Variants in CNKSR3 observed in about 807,000 individuals in gnomAD.
CNKSR3 encodes CNKSR family member 3, also known as connector enhancer of kinase suppressor of ras 3.
In CNKSR3, 36 loss-of-function variants were observed where a neutral mutation model predicts 67.7. That is an observed-to-expected ratio of 0.53 (90% CI 0.41 to 0.70). The LOEUF (loss-of-function observed/expected upper bound fraction) is 0.70. Ranked by LOEUF, CNKSR3 falls within the 30% of genes least tolerant of loss-of-function variation. CNKSR3 has a pLI of 0.00. For missense variants in CNKSR3, 630 were observed against 695.2 expected (o/e 0.91, Z 1.05); for synonymous variants, 281 against 271.4 (o/e 1.04, Z -0.35).
chr6:154,483,424 C>T (rs928641390), intron 1 of CNKSR3, among the ~76,000 whole-genome samples: 8 of 152,158 alleles, frequency 5.3e-5, no homozygotes, highest in African/African-American at 1.4e-4. Flanking sequence ...CAACCAACTT[C>T]ACTGCCCAGC....
intron 10 of CNKSR3, among the ~76,000 whole-genome samples, chr6:154,412,541 G>A (rs1008772978): frequency 4.6e-5 from 7 of 152,132 alleles, no homozygotes; most frequent in African/African-American, 1.4e-4. Flanking sequence ...GGAATGTCAT[G>A]CTCTCTATAT....
chr6:154,491,009 G>A (rs934678122), intron 1 of CNKSR3, among the ~76,000 whole-genome samples: 4 of 152,012 alleles, frequency 2.6e-5, no homozygotes, highest in Admixed American at 6.6e-5. Flanking sequence ...CACCATGCCC[G>A]GCTAATTTTG....
chr6:154,475,101 T>C (rs910872787), intron 1 of CNKSR3, among the ~76,000 whole-genome samples: 9 of 152,206 alleles, frequency 5.9e-5, no homozygotes, highest in African/African-American at 1.9e-4. Context: ...ACGAGGAAGC[T>C]GATGGAGAGG....
intron 1 of CNKSR3, among the ~76,000 whole-genome samples, chr6:154,462,192 A>G (rs149496019): frequency 6.6e-6 from 1 of 152,252 alleles, no homozygotes; most frequent in East Asian, 1.9e-4. Flanking sequence ...AGAATTTTTA[A>G]CACCCCCTCA....
rs1784710114 is a variant in CNKSR3 at position 154,401,010 on chromosome 6, G to A, written c.*5344C>T. ...AACTGGGGTTGAGGGACCCTAACTA[G>A]GGGTTAATACATCATGCAAAATTTT... On this transcript the variant is annotated 3_prime_UTR_variant, in exon 13 of 13. Coordinates refer to ENST00000607772, the MANE Select transcript of CNKSR3 (RefSeq NM_173515.4). 6.6e-6 allele frequency: 1 copy of A among 152,162 alleles called. No individual in the cohort carries two copies. The allele number at this position is 152,162 out of a possible 1,614,324, so 9.4% of individuals were successfully genotyped here. A position where few individuals can be genotyped will look rare whatever the true frequency, so the allele number is the denominator to read the frequency against.
Position 154,402,542 on chromosome 6 carries a change from T to C in CNKSR3, c.*3812A>G, listed in dbSNP as rs893196228. On this transcript the variant is annotated 3_prime_UTR_variant, in exon 13 of 13. Transcript: ENST00000607772. ...CATTTTAATCCCAGCTCTGCCATTA[T>C]TAGCACATAACCAGGATGACTAGCA... 1 of 152,190 alleles carries C rather than the reference T, an allele frequency of 6.6e-6. No individual in the cohort carries two copies. Among genetic ancestry groups the C allele is most frequent in the Admixed American group, 6.5e-5 (1 of 15,274 alleles). The allele number at this position is 152,190 out of a possible 1,614,324, so 9.4% of individuals were successfully genotyped here.
At chr6:154,501,412 C>T (rs559098001) in intron 1 of CNKSR3, among the ~76,000 whole-genome samples, 36 of 152,268 alleles carry the variant, frequency 2.4e-4, no homozygotes, top group Middle Eastern at 3.4e-3. Flanking sequence ...TCCCTGACCA[C>T]GACTTGTAAG....
intron 1 of CNKSR3, among the ~76,000 whole-genome samples, chr6:154,462,613 C>T (rs1448554486): frequency 6.6e-6 from 1 of 152,166 alleles, no homozygotes; most frequent in East Asian, 1.9e-4. Flanking sequence ...GCCACATTCT[C>T]CCCTAACCAC....
chr6:154,392,892 C>T lies in CNKSR3; in HGVS notation c.*13462G>A, dbSNP rs1332857094. 1 of 152,230 alleles carries T rather than the reference C, an allele frequency of 6.6e-6. No individual in the cohort carries two copies. Among genetic ancestry groups the T allele is most frequent in the Admixed American group, 6.6e-5 (1 of 15,262 alleles). 9.4% of individuals were successfully genotyped at this position (152,230 alleles called of 1,614,324 possible). ...CACTTTGAAATGTTAGCATTGTCCT[C>T]TGAGGTAGTTAGTGGTTTGTTTGTT... On this transcript the variant is annotated 3_prime_UTR_variant, in exon 13 of 13. Coordinates refer to ENST00000607772, the MANE Select transcript of CNKSR3 (RefSeq NM_173515.4).
chr6:154,468,023 G>A (rs1450753729), intron 1 of CNKSR3, among the ~76,000 whole-genome samples: 1 of 148,116 alleles, frequency 6.8e-6, no homozygotes, highest in African/African-American at 2.5e-5. Context: ...GCCTCCCAAA[G>A]TGCTGGGATT....
rs74920838 is a variant in CNKSR3 at position 154,406,130 on chromosome 6, A to G, written c.*224T>C. On this transcript the variant is annotated 3_prime_UTR_variant, in exon 13 of 13. Transcript: ENST00000607772. Reference sequence around the variant, plus strand: ...GAAGCAAGACAAACAGGCTCTACCCATTTCCCTCCTTTTGTCTCCACAAGC... The same window carrying G: ...GAAGCAAGACAAACAGGCTCTACCCGTTTCCCTCCTTTTGTCTCCACAAGC... 5.2e-3 allele frequency: 2,890 copies of G among 551,538 alleles called. 10 individuals are homozygous for G. Among genetic ancestry groups the G allele is most frequent in the Admixed American group, 8.6e-3 (266 of 31,058 alleles). 34.2% of individuals were successfully genotyped at this position (551,538 alleles called of 1,614,324 possible). A position where few individuals can be genotyped will look rare whatever the true frequency, so the allele number is the denominator to read the frequency against.
intron 1 of CNKSR3, among the ~76,000 whole-genome samples, chr6:154,473,378 G>A (rs148826979): frequency 6.6e-6 from 1 of 152,318 alleles, no homozygotes; most frequent in Non-Finnish European, 1.5e-5. Flanking sequence ...CAAGCTCCAG[G>A]AGGTGGGCAC....
At chr6:154,457,199 G>C (rs998103493) in intron 1 of CNKSR3, among the ~76,000 whole-genome samples, 1 of 152,114 alleles carries the variant, frequency 6.6e-6, no homozygotes, top group Admixed American at 6.5e-5. Flanking sequence ...ATGATTAATG[G>C]AGGGAGCAAG....
In CNKSR3 at chr6:154,464,781, C is replaced by T. The variant is rs191974391; in HGVS notation, c.53-14523G>A. Among the ~76,000 whole-genome samples the T allele has an allele frequency of 1.4e-3, 220 of 151,826 alleles. 1 individual carries two copies. The highest frequency in any genetic ancestry group is 5.1e-3 in the African/African-American group (211 of 41,422). On this transcript the variant is annotated intron_variant, in intron 1 of 12. Transcript: ENST00000607772. ...AAAGGCCTTAGTGAGCCATAAAGCC[C>T]AGGCCACCAGTGCGCTCTCAAGAGG...
intron 2 of CNKSR3, among the ~76,000 whole-genome samples, chr6:154,449,401 C>T (rs1420957414): frequency 1.3e-5 from 2 of 152,198 alleles, no homozygotes; most frequent in African/African-American, 2.4e-5. Flanking sequence ...CTGCTCACTG[C>T]AGCCTCCACC....
chr6:154,468,431 CA>C (rs1562346864), intron 1 of CNKSR3, among the ~76,000 whole-genome samples: 7 of 144,766 alleles, frequency 4.8e-5, no homozygotes, highest in Non-Finnish European at 7.7e-5. Flanking sequence ...CACACACACA[CA>C]CCATGACCAT....
chr6:154,442,875 C>G (rs1785630336), intron 2 of CNKSR3, among the ~76,000 whole-genome samples: 1 of 149,986 alleles, frequency 6.7e-6, no homozygotes, highest in East Asian at 1.9e-4. Flanking sequence ...GTAGACAGCT[C>G]ATTATTTTTT....
At chr6:154,426,278 A>G (rs560404880) in intron 7 of CNKSR3, among the ~76,000 whole-genome samples, 1 of 152,316 alleles carries the variant, frequency 6.6e-6, no homozygotes, top group South Asian at 2.1e-4. Context: ...TTCAGGGAAT[A>G]TATCATTAAT....
At chr6:154,413,935 G>A (rs936904970) in intron 10 of CNKSR3, among the ~76,000 whole-genome samples, 2 of 151,918 alleles carry the variant, frequency 1.3e-5, no homozygotes, top group African/African-American at 4.8e-5. Context: ...TTTTTATAGA[G>A]ATGAGGTTTT....
Sources: allele counts gnomAD v4.1 joint callset (sites outside exome capture counted in the v4.1 genomes callset), GRCh38; gene constraint gnomAD v4.1.1; transcripts MANE v1.5; gene names NCBI Gene and HGNC (gene_info 2026-07-23, HGNC 2026-07-21).